The following PICALM variants were observed in gnomAD, a reference collection of about 807,000 sequenced individuals.
The protein encoded by PICALM is phosphatidylinositol-binding clathrin assembly protein.
A neutral mutation model predicts 80.5 loss-of-function variants in PICALM; 40 were observed. The ratio of observed to expected loss-of-function variants is 0.50; its 90% CI spans 0.39 to 0.65. PICALM has a LOEUF of 0.65. Ranked by LOEUF, PICALM falls within the 30% of genes least tolerant of loss-of-function variation. The pLI is 0.00. For missense variants in PICALM, 676 were observed against 778.9 expected (o/e 0.87, Z 1.57); for synonymous variants, 288 against 260.3 (o/e 1.11, Z -1.02).
chr11:85,986,593 T>C (rs555632198), intron 13 of PICALM, among the ~76,000 whole-genome samples: 96 of 151,434 alleles, frequency 6.3e-4, no homozygotes, highest in Non-Finnish European at 1.0e-3. Flanking sequence ...GGTTTCACCT[T>C]GTTAGCCAGG....
rs984899784 is a variant in PICALM at position 86,042,013 on chromosome 11, A to G, written c.131-10402T>C. Among the ~76,000 whole-genome samples, 3 of 152,216 alleles carry G rather than the reference A, an allele frequency of 2.0e-5. No individual in the cohort carries two copies. The East Asian group carries it at 5.8e-4, about 29-fold the overall frequency. ...AAATTACTACGTAAGCCTTCTTAAT[A>G]TAAGAAAGTGTAAACCTAGAGCTTT... On this transcript the variant is annotated intron_variant, in intron 1 of 19. Coordinates refer to ENST00000393346, the MANE Select transcript of PICALM (RefSeq NM_007166.4).
intron 5 of PICALM, among the ~76,000 whole-genome samples, chr11:86,013,105 G>C (rs2095425622): frequency 6.6e-6 from 1 of 152,030 alleles, no homozygotes; most frequent in Non-Finnish European, 1.5e-5. Context: ...AGTTTCAAAT[G>C]AGACCAGCCT....
chr11:86,034,283 G>A (rs2095805827), intron 1 of PICALM, among the ~76,000 whole-genome samples: 1 of 152,136 alleles, frequency 6.6e-6, no homozygotes. Flanking sequence ...AACTCAGCCA[G>A]TCATTTTCTC....
chr11:85,961,763 G>A (rs1366158925), intron 19 of PICALM, among the ~76,000 whole-genome samples: 1 of 152,170 alleles, frequency 6.6e-6, no homozygotes, highest in East Asian at 1.9e-4. Flanking sequence ...AATAAAAGTT[G>A]ACTAACTGGA....
At chr11:86,018,216 T>C (rs563916010) in intron 4 of PICALM, among the ~76,000 whole-genome samples, 7 of 152,166 alleles carry the variant, frequency 4.6e-5, no homozygotes, top group African/African-American at 1.7e-4. Flanking sequence ...AAGCTGTCAA[T>C]GGACATCAAA....
intron 1 of PICALM, among the ~76,000 whole-genome samples, chr11:86,037,810 A>G (rs1024275421): frequency 5.3e-5 from 8 of 152,234 alleles, no homozygotes; most frequent in African/African-American, 1.7e-4. Flanking sequence ...CAACTATGTC[A>G]TATATGAAGT....
intron 4 of PICALM, among the ~76,000 whole-genome samples, chr11:86,020,800 A>G (rs1268025057): frequency 6.6e-6 from 1 of 152,226 alleles, no homozygotes; most frequent in South Asian, 2.1e-4. Flanking sequence ...AGTAGGAGTA[A>G]ATCTTTGTGA....
chr11:86,053,520 T>A (rs1211589676), intron 1 of PICALM, among the ~76,000 whole-genome samples: 2 of 152,226 alleles, frequency 1.3e-5, no homozygotes, highest in African/African-American at 4.8e-5. Context: ...AGTTTTATTT[T>A]AACAAGACTC....
intron 18 of PICALM, 122 bp from the exon 19 acceptor site, chr11:85,974,934 C>A: frequency 1.4e-6 from 1 of 699,224 alleles, no homozygotes; most frequent in Middle Eastern, 3.2e-4. Flanking sequence ...AGGGTAACTT[C>A]CTCTGAATAT....
intron 1 of PICALM, among the ~76,000 whole-genome samples, chr11:86,041,391 G>A (rs1421911983): frequency 2.6e-5 from 4 of 152,174 alleles, no homozygotes; most frequent in African/African-American, 9.6e-5. Context: ...CCACTATACT[G>A]ATATTATGAA....
intron 1 of PICALM, among the ~76,000 whole-genome samples, chr11:86,050,749 C>T (rs186636817): frequency 6.6e-6 from 1 of 152,018 alleles, no homozygotes; most frequent in South Asian, 2.1e-4. Context: ...TCAGCTGATC[C>T]CCCAATATGA....
At chr11:86,038,380 G>T (rs2095880393) in intron 1 of PICALM, among the ~76,000 whole-genome samples, 1 of 152,066 alleles carries the variant, frequency 6.6e-6, no homozygotes, top group South Asian at 2.1e-4. Context: ...AAGTACCTGA[G>T]AATTTGGCAG....
chr11:86,000,897 T>C (rs971726051), intron 10 of PICALM, 118 bp from the exon 11 acceptor site: 7 of 1,481,538 alleles, frequency 4.7e-6, no homozygotes, highest in Non-Finnish European at 9.2e-7. Context: ...CCTAATTCTA[T>C]GTCAGGACGA....
chr11:85,959,633 C>CAAAAAA lies in PICALM; in HGVS notation c.1945-579_1945-574dup, dbSNP rs1161064257. Among the ~76,000 whole-genome samples the CAAAAAA allele has an allele frequency of 2.7e-4, 12 of 45,178 alleles. 1 individual carries two copies. Among genetic ancestry groups the CAAAAAA allele is most frequent in the East Asian group, 8.7e-4 (1 of 1,144 alleles). 29.6% of individuals were successfully genotyped at this position (45,178 alleles called of 152,430 possible). A position where few individuals can be genotyped will look rare whatever the true frequency, so the allele number is the denominator to read the frequency against. On this transcript the variant is annotated intron_variant, in intron 19 of 19. Transcript: ENST00000393346. The stretch of plus-strand genomic sequence containing the variant: ...GGGAGACAAGAGCGAAACTCCATCT[C>CAAAAAA]AAAAAAAAAAAAAAAAAAAAAAAGC...
chr11:85,996,834 G>C lies in PICALM; in HGVS notation c.1250C>G (p.Thr417Arg). Reference protein sequence around the residue: ...PMSTASQVASTWGDPFSATVD... With the variant: ...PMSTASQVASRWGDPFSATVD... The stretch of plus-strand genomic sequence containing the variant: ...AATTCATCAATGCTTACCTCCCCAT[G>C]TACTTGCTACCTGAGAAGCAGTTGA... Residue 417 changes from threonine to arginine, a missense_variant, in exon 12 of 20, where the codon ACA becomes AGA. Thr to Arg is a moderately conservative substitution (Grantham distance 71, BLOSUM62 -1). Transcript: ENST00000393346. 6.3e-7 allele frequency: 1 copy of C among 1,585,444 alleles called. No individual in the cohort carries two copies. Among genetic ancestry groups the C allele is most frequent in the Non-Finnish European group, 8.7e-7 (1 of 1,154,560 alleles).
chr11:86,062,236 G>T (rs924777248), intron 1 of PICALM, among the ~76,000 whole-genome samples: 2 of 152,168 alleles, frequency 1.3e-5, no homozygotes, highest in Non-Finnish European at 2.9e-5. Flanking sequence ...GTAAACCTTG[G>T]CCGGGCGCAG....
intron 1 of PICALM, among the ~76,000 whole-genome samples, chr11:86,066,769 C>A (rs1333214780): frequency 1.8e-4 from 26 of 147,794 alleles, no homozygotes; most frequent in African/African-American, 2.3e-4. Flanking sequence ...CAAAAAAAAA[C>A]CAAAAGCAAC....
intron 1 of PICALM, among the ~76,000 whole-genome samples, chr11:86,040,003 CAAAAAAAAA>C (rs752086947): frequency 1.9e-5 from 1 of 53,384 alleles, no homozygotes; most frequent in Admixed American, 2.1e-4. Flanking sequence ...GACGCCGTCT[CAAAAAAAAA>C]AAAAAAAAAA....
At chr11:86,048,818 T>A (rs962627444) in intron 1 of PICALM, among the ~76,000 whole-genome samples, 1 of 114,730 alleles carries the variant, frequency 8.7e-6, no homozygotes, top group Non-Finnish European at 1.7e-5. Context: ...TCCTGGGGAG[T>A]AAGAGTGAAA....
Sources: allele counts gnomAD v4.1 joint callset (sites outside exome capture counted in the v4.1 genomes callset), GRCh38; gene constraint gnomAD v4.1.1; transcripts MANE v1.5; gene names NCBI Gene and HGNC (gene_info 2026-07-23, HGNC 2026-07-21).